Variants in UBR1 observed in about 807,000 individuals in gnomAD.
UBR1 encodes the protein ubiquitin protein ligase E3 component n-recognin 1.
A neutral mutation model predicts 242.1 loss-of-function variants in UBR1; 102 were observed. That is an observed-to-expected ratio of 0.42 (90% confidence interval 0.36 to 0.50). The LOEUF is 0.50. Among genes scored for constraint, UBR1 ranks in the 20% least tolerant of loss-of-function variants. The pLI, the probability that UBR1 is intolerant of heterozygous loss-of-function variation, is 0.01. For missense variants in UBR1, 1,772 were observed against 2,101.8 expected (o/e 0.84, Z 3.07); for synonymous variants, 675 against 684.8 (o/e 0.99, Z 0.22).
intron 30 of UBR1, among the ~76,000 whole-genome samples, chr15:43,006,135 G>C (rs908298844): frequency 1.4e-5 from 2 of 145,978 alleles, no homozygotes; most frequent in Non-Finnish European, 3.0e-5. Flanking sequence ...GAAAAGCACA[G>C]ATTGAGGATT....
intron 36 of UBR1, 36 bp from the exon 37 acceptor site, chr15:42,984,029 G>T: frequency 6.4e-7 from 1 of 1,557,486 alleles, no homozygotes. Context: ...AAAAAGATGA[G>T]GGAAGATGAG....
chr15:43,048,173 G>A (rs918659309), intron 13 of UBR1, among the ~76,000 whole-genome samples: 15 of 150,676 alleles, frequency 1.0e-4, no homozygotes, highest in Non-Finnish European at 1.5e-4. Flanking sequence ...GCAACAGAGC[G>A]AGACTCTGTC....
At chr15:43,080,218 A>T (rs2033960153) in intron 3 of UBR1, among the ~76,000 whole-genome samples, 1 of 152,234 alleles carries the variant, frequency 6.6e-6, no homozygotes, top group Non-Finnish European at 1.5e-5. Context: ...CGGGCACTGA[A>T]ATTTTAATTT....
intron 40 of UBR1, among the ~76,000 whole-genome samples, chr15:42,968,252 G>A (rs1488468193): frequency 6.6e-6 from 1 of 152,060 alleles, no homozygotes; most frequent in Non-Finnish European, 1.5e-5. Context: ...ACTTGTTTCA[G>A]TCTCAGAAAC....
At chr15:43,092,254 C>G (rs1241462882) in intron 1 of UBR1, among the ~76,000 whole-genome samples, 2 of 152,152 alleles carry the variant, frequency 1.3e-5, no homozygotes, top group African/African-American at 4.8e-5. Context: ...GAATCCTTCA[C>G]TGATCAGCCC....
chr15:43,071,362 G>A (rs1311442283), intron 4 of UBR1, among the ~76,000 whole-genome samples: 1 of 152,144 alleles, frequency 6.6e-6, no homozygotes, highest in Non-Finnish European at 1.5e-5. Flanking sequence ...CAGTCACAGA[G>A]GGACAAATAC....
intron 30 of UBR1, among the ~76,000 whole-genome samples, chr15:43,004,214 C>T (rs1305499786): frequency 6.6e-6 from 1 of 152,168 alleles, no homozygotes; most frequent in South Asian, 2.1e-4. Context: ...TTTAAGTGAT[C>T]TTCTATGTTT....
chr15:43,018,946 C>A (rs2033066363), intron 27 of UBR1, among the ~76,000 whole-genome samples: 1 of 152,200 alleles, frequency 6.6e-6, no homozygotes, highest in African/African-American at 2.4e-5. Flanking sequence ...CCTCGATTTA[C>A]TTTCTTAATA....
At chr15:43,025,501 G>A in intron 23 of UBR1, 72 bp from the exon 24 acceptor site, 2 of 1,150,700 alleles carry the variant, frequency 1.7e-6, no homozygotes, top group East Asian at 2.4e-5. Context: ...AAAGCAGTCA[G>A]GAAAGACCCA....
chr15:43,097,929 C>T (rs1253098231), intron 1 of UBR1, among the ~76,000 whole-genome samples: 1 of 152,196 alleles, frequency 6.6e-6, no homozygotes, highest in African/African-American at 2.4e-5. Flanking sequence ...AAGAACTTTT[C>T]CTCTGCATTC....
chr15:43,049,511 C>T (rs555149202), intron 12 of UBR1, among the ~76,000 whole-genome samples: 40 of 152,128 alleles, frequency 2.6e-4, no homozygotes, highest in East Asian at 2.3e-3. Context: ...TGCAGTGAGC[C>T]GAGATCGCAA....
At chr15:42,997,055 T>A (rs1295871509) in intron 33 of UBR1, among the ~76,000 whole-genome samples, 2 of 152,090 alleles carry the variant, frequency 1.3e-5, no homozygotes. Flanking sequence ...CAGCAGGAGG[T>A]GAGCAGCAGG....
chr15:43,014,171 C>T (rs989550307), intron 29 of UBR1, among the ~76,000 whole-genome samples: 4 of 152,262 alleles, frequency 2.6e-5, no homozygotes, highest in African/African-American at 4.8e-5. Context: ...GACGGAGTCT[C>T]GCTCACTCAG....
At chr15:43,054,609 AGTTCTTT>A in intron 12 of UBR1, 126 bp downstream of exon 12, 1 of 991,604 alleles carries the variant, frequency 1.0e-6, no homozygotes, top group Non-Finnish European at 1.6e-6. Context: ...AGGCAGTAAC[AGTTCTTT>A]GTACTTGCCA....
intron 32 of UBR1, among the ~76,000 whole-genome samples, chr15:43,001,099 G>T (rs1342648699): frequency 6.6e-6 from 1 of 151,458 alleles, no homozygotes; most frequent in African/African-American, 2.4e-5. Flanking sequence ...CTCTCAAAGT[G>T]CTGGGATTCA....
chr15:43,061,572 T>C (rs551346471), intron 6 of UBR1, among the ~76,000 whole-genome samples: 6 of 151,986 alleles, frequency 3.9e-5, no homozygotes, highest in African/African-American at 9.7e-5. Flanking sequence ...TATGTATATA[T>C]ACACACACAC....
At chr15:43,080,070 C>G (rs1372056887) in intron 3 of UBR1, among the ~76,000 whole-genome samples, 1 of 152,138 alleles carries the variant, frequency 6.6e-6, no homozygotes, top group African/African-American at 2.4e-5. Flanking sequence ...GTGTAAGGAA[C>G]CAAACAATAA....
intron 3 of UBR1, among the ~76,000 whole-genome samples, chr15:43,075,751 G>A (rs10220732): frequency 0.021 from 3,190 of 151,562 alleles, 129 homozygotes; most frequent in African/African-American, 0.074. Context: ...AAGTAGCTGG[G>A]ACTACAGGCA....
chr15:43,021,443 G>C, intron 26 of UBR1, 68 bp from the exon 27 acceptor site: 1 of 1,463,198 alleles, frequency 6.8e-7, no homozygotes, highest in Non-Finnish European at 9.6e-7. Flanking sequence ...TCAGGGAATT[G>C]GTTTCAGGAC....
Sources: gnomAD v4.1 joint callset for allele counts (sites outside exome capture counted in the v4.1 genomes callset) on GRCh38, gnomAD v4.1.1 for gene constraint, MANE v1.5 for transcripts, NCBI Gene and HGNC (gene_info 2026-07-23, HGNC 2026-07-21) for gene names.